The following EBF2 variants were observed in gnomAD, a reference collection of about 807,000 sequenced individuals.
EBF2 encodes transcription factor COE2.
Under a neutral mutation model 72.8 loss-of-function variants are expected in EBF2, and 21 were observed. The ratio of observed to expected loss-of-function variants is 0.29; its 90% CI spans 0.20 to 0.42. EBF2 has a LOEUF of 0.42. EBF2 is among the 10% of genes least tolerant of loss of function. The probability of loss-of-function intolerance (pLI) is 1.00; values close to 1 mark genes in which losing one functional copy is unlikely to be tolerated. For synonymous variants in EBF2, 299 were observed against 274.2 expected (o/e 1.09, Z -0.89); for missense variants, 637 against 731.2 (o/e 0.87, Z 1.49).
chr8:25,862,568 T>A (rs1802229709), intron 11 of EBF2, 141 bp downstream of exon 11: 1 of 462,588 alleles, frequency 2.2e-6, no homozygotes, highest in African/African-American at 2.0e-5. Flanking sequence ...ATAGCAGATA[T>A]TTTATGTGCA....
intron 6 of EBF2, among the ~76,000 whole-genome samples, chr8:26,011,799 T>G (rs1396525070): frequency 6.6e-6 from 1 of 151,956 alleles, no homozygotes; most frequent in Non-Finnish European, 1.5e-5. Context: ...AGAATTTACT[T>G]GAACTTTTTT....
intron 6 of EBF2, among the ~76,000 whole-genome samples, chr8:26,009,142 G>T (rs1804936840): frequency 7.3e-6 from 1 of 137,558 alleles, no homozygotes; most frequent in Non-Finnish European, 1.6e-5. Flanking sequence ...CACCATGGGA[G>T]TGGGTGTTTG....
At chr8:25,945,598 T>A (rs1441148121) in intron 6 of EBF2, among the ~76,000 whole-genome samples, 1 of 151,590 alleles carries the variant, frequency 6.6e-6, no homozygotes, top group Non-Finnish European at 1.5e-5. Flanking sequence ...TTCCTCTTTC[T>A]GTAGACCTCT....
intron 6 of EBF2, among the ~76,000 whole-genome samples, chr8:25,963,849 C>T (rs918193282): frequency 6.6e-6 from 1 of 152,170 alleles, no homozygotes; most frequent in Non-Finnish European, 1.5e-5. Context: ...CTAATTTAGG[C>T]AATTTTTTAT....
intron 3 of EBF2, 81 bp downstream of exon 3, chr8:26,040,858 A>G: frequency 1.3e-6 from 2 of 1,588,452 alleles, no homozygotes; most frequent in Non-Finnish European, 1.7e-6. Flanking sequence ...GATCCCTGAG[A>G]GTGATCATGG....
intron 6 of EBF2, among the ~76,000 whole-genome samples, chr8:26,013,323 T>G (rs1005629454): frequency 6.6e-6 from 1 of 152,148 alleles, no homozygotes; most frequent in Admixed American, 6.6e-5. Flanking sequence ...CCACACTCTT[T>G]CCTCCTGCTT....
At chr8:25,907,580 C>T (rs1200082840) in intron 7 of EBF2, among the ~76,000 whole-genome samples, 1 of 151,970 alleles carries the variant, frequency 6.6e-6, no homozygotes, top group Admixed American at 6.6e-5. Context: ...CCGGGCTTTA[C>T]CACCTACTTA....
At chr8:25,994,347 T>C (rs1804589558) in intron 6 of EBF2, among the ~76,000 whole-genome samples, 1 of 152,170 alleles carries the variant, frequency 6.6e-6, no homozygotes, top group African/African-American at 2.4e-5. Context: ...TTTATAAAAC[T>C]ATTGTGCCAA....
intron 6 of EBF2, among the ~76,000 whole-genome samples, chr8:26,002,860 A>G (rs1388412601): frequency 4.5e-5 from 4 of 89,326 alleles, no homozygotes; most frequent in Non-Finnish European, 9.2e-5. Flanking sequence ...GCAGGCGGGC[A>G]GGCGGGCAGG....
chr8:25,930,053 A>G (rs1043093563), intron 6 of EBF2, among the ~76,000 whole-genome samples: 2 of 152,192 alleles, frequency 1.3e-5, no homozygotes, highest in Admixed American at 1.3e-4. Context: ...ATGCAGAGAA[A>G]AACTAGAACC....
chr8:25,858,140 TGAGCCAAAGTCCAGCTAAGGGAAAA>T, intron 14 of EBF2, 154 bp downstream of exon 14: 3 of 807,562 alleles, frequency 3.7e-6, no homozygotes, highest in Non-Finnish European at 2.1e-6. Context: ...AGTAACCACG[TGAGCCAAAGTCCAGCTAAGGGAAAA>T]GAACGAAAGG....
chr8:25,900,215 C>T (rs539107529), intron 7 of EBF2, among the ~76,000 whole-genome samples: 28 of 152,232 alleles, frequency 1.8e-4, no homozygotes, highest in Admixed American at 2.6e-4. Context: ...CAACAATTTG[C>T]GAAGCCAAGG....
intron 6 of EBF2, among the ~76,000 whole-genome samples, chr8:25,910,942 T>C (rs1338076183): frequency 6.6e-6 from 1 of 152,216 alleles, no homozygotes; most frequent in African/African-American, 2.4e-5. Flanking sequence ...CTGGATTTTT[T>C]AATATATGGA....
Position 25,946,923 on chromosome 8 carries a change from C to T in EBF2, c.552-38368G>A, listed in dbSNP as rs764900491. On this transcript the variant is annotated intron_variant, in intron 6 of 15. Coordinates refer to ENST00000520164, the MANE Select transcript of EBF2 (RefSeq NM_022659.4). ...GTTAGTCTATCATCTCACAGAGTTA[C>T]GTTTTTTTGTGACTAGCACAGCTAA... 5.3e-5 allele frequency among the ~76,000 whole-genome samples: 8 copies of T among 151,822 alleles called. No individual in the cohort carries two copies. In the South Asian group the frequency reaches 1.0e-3, roughly 20 times the overall value.
At chr8:25,848,307 T>C in intron 15 of EBF2, among the ~76,000 whole-genome samples, 1 of 152,176 alleles carries the variant, frequency 6.6e-6, no homozygotes, top group East Asian at 1.9e-4. Context: ...AAGTCATTGC[T>C]CCTATAAACC....
intron 6 of EBF2, among the ~76,000 whole-genome samples, chr8:25,916,067 CT>C (rs1563399381): frequency 6.6e-6 from 1 of 152,002 alleles, no homozygotes; most frequent in Non-Finnish European, 1.5e-5. Context: ...AGTCTGATCA[CT>C]TGAGATCAGG....
chr8:25,943,311 C>CAAAAAAAAAAAAAA (rs71551840), intron 6 of EBF2, among the ~76,000 whole-genome samples: 5 of 59,074 alleles, frequency 8.5e-5, no homozygotes, highest in Admixed American at 1.9e-4. Context: ...TGTCTCTACA[C>CAAAAAAAAAAAAAA]AAAAAAAAAA....
intron 6 of EBF2, among the ~76,000 whole-genome samples, chr8:25,943,311 C>CAAAAGAAAA (rs1803710087): frequency 2.9e-4 from 17 of 58,870 alleles, no homozygotes; most frequent in East Asian, 7.1e-4. Context: ...TGTCTCTACA[C>CAAAAGAAAA]AAAAAAAAAA....
At chr8:25,845,507 T>C (rs1449016749) in intron 15 of EBF2, among the ~76,000 whole-genome samples, 1 of 152,240 alleles carries the variant, frequency 6.6e-6, no homozygotes, top group Non-Finnish European at 1.5e-5. Flanking sequence ...ATTACAGGCA[T>C]GAGCCACTGT....
Sources: allele counts gnomAD v4.1 joint callset (sites outside exome capture counted in the v4.1 genomes callset), GRCh38; gene constraint gnomAD v4.1.1; transcripts MANE v1.5; gene names NCBI Gene and HGNC (gene_info 2026-07-23, HGNC 2026-07-21).